The following CSMD3 variants were observed in gnomAD, a reference collection of about 807,000 sequenced individuals.
CSMD3 encodes CUB and sushi domain-containing protein 3.
In CSMD3, 177 loss-of-function variants were observed where a neutral mutation model predicts 435.2. That is an observed-to-expected ratio of 0.41 (90% CI 0.36 to 0.46). The LOEUF (loss-of-function observed/expected upper bound fraction) is 0.46. CSMD3 is among the 20% of genes least tolerant of loss of function. The probability of loss-of-function intolerance (pLI) is 0.34; values close to 1 mark genes in which losing one functional copy is unlikely to be tolerated. For missense variants in CSMD3, 4,265 were observed against 4,504.6 expected, an observed-to-expected ratio of 0.95 and a Z score of 1.52; for synonymous variants, 1,656 against 1,520.5, an observed-to-expected ratio of 1.09 and a Z score of -2.07.
chr8:112,707,900 A>T (rs754600704), intron 13 of CSMD3, among the ~76,000 whole-genome samples: 2 of 152,256 alleles, frequency 1.3e-5, no homozygotes, highest in Non-Finnish European at 2.9e-5. Flanking sequence ...CAAAAGTCAG[A>T]TGTTTGGCCT....
chr8:112,927,925 C>A, intron 9 of CSMD3, among the ~76,000 whole-genome samples: 1 of 152,060 alleles, frequency 6.6e-6, no homozygotes, highest in Non-Finnish European at 1.5e-5. Flanking sequence ...TAAGGTCACT[C>A]ACTACCTCAT....
chr8:112,557,070 T>C, intron 24 of CSMD3, 116 bp from the exon 25 acceptor site: 2 of 683,924 alleles, frequency 2.9e-6, no homozygotes, highest in Non-Finnish European at 5.2e-6. Flanking sequence ...CTTAGTCATA[T>C]TGCCCTTACC....
At chr8:113,230,393 T>C (rs2132182451) in intron 3 of CSMD3, among the ~76,000 whole-genome samples, 1 of 151,756 alleles carries the variant, frequency 6.6e-6, no homozygotes. Flanking sequence ...TTTCTGTACA[T>C]AATTAAATAT....
At chr8:113,009,392 C>A (rs1449061377) in intron 6 of CSMD3, among the ~76,000 whole-genome samples, 1 of 151,816 alleles carries the variant, frequency 6.6e-6, no homozygotes, top group East Asian at 1.9e-4. Flanking sequence ...TATTTACTAA[C>A]TTCTAATCCA....
intron 13 of CSMD3, among the ~76,000 whole-genome samples, chr8:112,794,285 CTTTTTTTT>C (rs1203991072): frequency 4.2e-5 from 4 of 96,302 alleles, no homozygotes; most frequent in Middle Eastern, 5.6e-3. Flanking sequence ...GACTGATAAA[CTTTTTTTT>C]TTTTTTTTTT....
chr8:112,363,140 A>G (rs1032945188), intron 38 of CSMD3, among the ~76,000 whole-genome samples: 6 of 152,002 alleles, frequency 3.9e-5, no homozygotes, highest in Non-Finnish European at 7.4e-5. Flanking sequence ...AAAGTCTGAG[A>G]TGTTTTCTAT....
intron 38 of CSMD3, among the ~76,000 whole-genome samples, chr8:112,371,989 G>A (rs968907701): frequency 6.6e-6 from 1 of 151,810 alleles, no homozygotes; most frequent in Non-Finnish European, 1.5e-5. Context: ...TGAACAAGGT[G>A]GAAGAAAGGA....
At chr8:112,254,689 G>A (rs1271863416) in intron 62 of CSMD3, among the ~76,000 whole-genome samples, 1 of 151,946 alleles carries the variant, frequency 6.6e-6, no homozygotes, top group Non-Finnish European at 1.5e-5. Context: ...TTTGGGGTAG[G>A]GTAATATTTC....
intron 1 of CSMD3, among the ~76,000 whole-genome samples, chr8:113,379,392 C>T (rs1328161563): frequency 2.0e-5 from 3 of 152,012 alleles, no homozygotes; most frequent in African/African-American, 7.2e-5. Flanking sequence ...TAATAATATT[C>T]CACAAGGCAT....
chr8:112,558,260 A>T (rs1311302832), intron 24 of CSMD3, among the ~76,000 whole-genome samples: 1 of 151,796 alleles, frequency 6.6e-6, no homozygotes, highest in Non-Finnish European at 1.5e-5. Flanking sequence ...AAAGCGAGCC[A>T]CAGAACCTAG....
intron 56 of CSMD3, 134 bp from the exon 57 acceptor site, chr8:112,289,672 A>G (rs1819568902): frequency 1.7e-6 from 1 of 602,602 alleles, no homozygotes; most frequent in Non-Finnish European, 2.8e-6. Context: ...TCAAACATCT[A>G]TGTTGAAGGT....
chr8:113,045,063 C>A (rs1404554024), intron 5 of CSMD3, among the ~76,000 whole-genome samples: 1 of 148,982 alleles, frequency 6.7e-6, no homozygotes, highest in African/African-American at 2.4e-5. Context: ...GTGCAACGAT[C>A]TAAAAATCCC....
At chr8:112,649,436 C>A (rs971361120) in intron 19 of CSMD3, among the ~76,000 whole-genome samples, 1 of 152,262 alleles carries the variant, frequency 6.6e-6, no homozygotes, top group African/African-American at 2.4e-5. Flanking sequence ...TCTTCCACTT[C>A]AAGAAATAGT....
intron 1 of CSMD3, among the ~76,000 whole-genome samples, chr8:113,389,139 C>T (rs2094451124): frequency 6.6e-6 from 1 of 151,570 alleles, no homozygotes; most frequent in Non-Finnish European, 1.5e-5. Context: ...AATCTACTCA[C>T]CTGTGGCTAA....
chr8:112,590,335 G>A (rs1831077530), intron 22 of CSMD3, among the ~76,000 whole-genome samples: 1 of 151,992 alleles, frequency 6.6e-6, no homozygotes, highest in African/African-American at 2.4e-5. Flanking sequence ...ACTCTCTGAA[G>A]TACTGCAACT....
Position 112,337,574 on chromosome 8 carries a change from A to G in CSMD3, c.6810T>C (p.Arg2270=), listed in dbSNP as rs2130964859. The G allele has an allele frequency of 6.2e-7, 1 of 1,613,850 alleles. No homozygotes were observed. Among genetic ancestry groups the G allele is most frequent in the Non-Finnish European group, 8.5e-7 (1 of 1,179,742 alleles). Residue 2270 remains arginine (R), a synonymous_variant, in exon 43 of 71, where the codon CGT becomes CGC. Transcript: ENST00000297405. The part of the protein sequence containing the change: ...SALTCLHGVS[R]NWNHPLPRCE... ...ACCTTGGAAGTGGATGATTCCAATT[A>G]CGACTGACTCCGTGAAGGCATGTGA...
chr8:113,380,869 A>G (rs2094412148), intron 1 of CSMD3, among the ~76,000 whole-genome samples: 2 of 152,106 alleles, frequency 1.3e-5, no homozygotes, highest in Non-Finnish European at 2.9e-5. Flanking sequence ...CCATGTCCTG[A>G]TGTGCTGCAG....
In CSMD3 at chr8:113,358,588, C is replaced by CT. The variant is rs1382657918; in HGVS notation, c.179-43796dup. 3.3e-5 allele frequency among the ~76,000 whole-genome samples: 5 copies of CT among 152,104 alleles called. No homozygotes were observed. In the East Asian group the frequency reaches 5.8e-4, roughly 18 times the overall value. ...GGCTGGTCTCGATAAAAATAGAAAACTTTTTTAAAGGAAACTTACAATCAT... is the reference window on the plus strand; with the variant it reads ...GGCTGGTCTCGATAAAAATAGAAAACTTTTTTTAAAGGAAACTTACAATCAT... On this transcript the variant is annotated intron_variant, in intron 1 of 70. Coordinates refer to ENST00000297405, the MANE Select transcript of CSMD3 (RefSeq NM_198123.2).
At chr8:112,718,334 T>C (rs1216294246) in intron 13 of CSMD3, among the ~76,000 whole-genome samples, 1 of 152,012 alleles carries the variant, frequency 6.6e-6, no homozygotes, top group Admixed American at 6.6e-5. Flanking sequence ...TCATAATAAA[T>C]GAAGAATTCA....
Sources: gnomAD v4.1 joint callset for allele counts (sites outside exome capture counted in the v4.1 genomes callset) on GRCh38, gnomAD v4.1.1 for gene constraint, MANE v1.5 for transcripts, NCBI Gene and HGNC (gene_info 2026-07-23, HGNC 2026-07-21) for gene names.